Variants in ANKRD11 observed in about 807,000 individuals in gnomAD.
The protein encoded by ANKRD11 is ankyrin repeat domain-containing protein 11.
Under a neutral mutation model 195.7 loss-of-function variants are expected in ANKRD11, and 17 were observed. That is an observed-to-expected ratio of 0.09 (90% confidence interval 0.06 to 0.13). The LOEUF (loss-of-function observed/expected upper bound fraction) is 0.13, where lower values mean the gene tolerates loss of function less well. Among genes scored for constraint, ANKRD11 ranks in the 10% least tolerant of loss-of-function variants. The probability of loss-of-function intolerance (pLI) is 1.00; values close to 1 mark genes in which losing one functional copy is unlikely to be tolerated. For synonymous variants in ANKRD11, 1,953 were observed against 1,528.1 expected, an observed-to-expected ratio of 1.28 and a Z score of -6.49; for missense variants, 3,735 against 3,566.1, an observed-to-expected ratio of 1.05 and a Z score of -1.21.
chr16:89,403,666 G>T (rs1307569403), intron 2 of ANKRD11: 1 of 152,234 alleles, frequency 6.6e-6, no homozygotes. Flanking sequence ...ACGACAGCAC[G>T]TGCCTTTAAT....
chr16:89,273,577 A>G (rs1020413852), intron 11 of ANKRD11, among the ~76,000 whole-genome samples: 2 of 152,028 alleles, frequency 1.3e-5, no homozygotes, highest in Non-Finnish European at 2.9e-5. Flanking sequence ...CATGCCTGTG[A>G]TCCCAGCTAC....
At chr16:89,458,627 T>TA (rs2152328593) in intron 1 of ANKRD11, among the ~76,000 whole-genome samples, 1 of 152,400 alleles carries the variant, frequency 6.6e-6, no homozygotes, top group Admixed American at 6.5e-5. Flanking sequence ...AACATCACTC[T>TA]GGCAAGTTCA....
chr16:89,488,622 G>A (rs1436783225), intron 1 of ANKRD11, among the ~76,000 whole-genome samples: 2 of 152,110 alleles, frequency 1.3e-5, no homozygotes, highest in African/African-American at 2.4e-5. Flanking sequence ...TTATGCCATA[G>A]ACTAGGTCTG....
At chr16:89,385,228 C>A (rs1466533254) in intron 2 of ANKRD11, among the ~76,000 whole-genome samples, 1 of 151,068 alleles carries the variant, frequency 6.6e-6, no homozygotes, top group Non-Finnish European at 1.5e-5. Context: ...CTCCCTCTGT[C>A]ACCCAGGCTG....
chr16:89,458,007 C>T (rs954912563), intron 1 of ANKRD11, among the ~76,000 whole-genome samples: 1 of 152,054 alleles, frequency 6.6e-6, no homozygotes, highest in Non-Finnish European at 1.5e-5. Flanking sequence ...CCTGGAGACC[C>T]CACACCTGGG....
intron 1 of ANKRD11, among the ~76,000 whole-genome samples, chr16:89,464,947 G>A (rs747640663): frequency 7.9e-5 from 12 of 152,214 alleles, no homozygotes; most frequent in Non-Finnish European, 1.0e-4. Context: ...GTCAGGGGCC[G>A]AATCTGGCCC....
chr16:89,463,286 G>T (rs1344049927), intron 1 of ANKRD11, among the ~76,000 whole-genome samples: 1 of 152,246 alleles, frequency 6.6e-6, no homozygotes, highest in Non-Finnish European at 1.5e-5. Context: ...TGTCTGTGTA[G>T]AAAGAAGTAG....
intron 1 of ANKRD11, among the ~76,000 whole-genome samples, chr16:89,473,932 C>G (rs2057171067): frequency 6.6e-6 from 1 of 152,210 alleles, no homozygotes. Context: ...ACTCCCATGA[C>G]TACATTATGT....
chr16:89,319,090 A>C (rs1278051210), intron 2 of ANKRD11, among the ~76,000 whole-genome samples: 3 of 152,224 alleles, frequency 2.0e-5, no homozygotes, highest in Admixed American at 1.3e-4. Context: ...ACATTTTAAA[A>C]AATCCAGACT....
chr16:89,271,915 G>C (rs749781133), intron 11 of ANKRD11: 1 of 152,072 alleles, frequency 6.6e-6, no homozygotes, highest in Non-Finnish European at 1.5e-5. Context: ...AAGTTCAAAA[G>C]CTTCTGTCCA....
chr16:89,488,294 G>C (rs533989702), intron 1 of ANKRD11, among the ~76,000 whole-genome samples: 2 of 152,184 alleles, frequency 1.3e-5, no homozygotes, highest in East Asian at 3.9e-4. Flanking sequence ...GTTCCATTCA[G>C]ATGGCCAGCC....
intron 3 of ANKRD11, among the ~76,000 whole-genome samples, chr16:89,314,448 A>T (rs954622667): frequency 6.6e-6 from 1 of 152,172 alleles, no homozygotes; most frequent in African/African-American, 2.4e-5. Context: ...AACTCAAAGC[A>T]GCTGAGCGCA....
At chr16:89,290,181 G>A (rs896019783) in intron 6 of ANKRD11, among the ~76,000 whole-genome samples, 3 of 152,236 alleles carry the variant, frequency 2.0e-5, no homozygotes, top group South Asian at 2.1e-4. Context: ...CACCCCACGA[G>A]GCCACAGCCC....
intron 2 of ANKRD11, among the ~76,000 whole-genome samples, chr16:89,388,315 T>TTTTTTTTA (rs2041018887): frequency 6.9e-6 from 1 of 145,398 alleles, no homozygotes; most frequent in Admixed American, 6.8e-5. Context: ...TTTTTTTTTT[T>TTTTTTTTA]GAGACGGAGT....
intron 7 of ANKRD11, chr16:89,287,190 C>T: frequency 9.8e-7 from 1 of 1,022,424 alleles, no homozygotes; most frequent in South Asian, 1.4e-5. Flanking sequence ...CACCACACTC[C>T]TCGGCCCTCC....
intron 4 of ANKRD11, among the ~76,000 whole-genome samples, chr16:89,293,033 C>T (rs2151806032): frequency 6.6e-6 from 1 of 152,336 alleles, no homozygotes; most frequent in African/African-American, 2.4e-5. Context: ...GCCCTCAAGT[C>T]CTCCTCTCTC....
chr16:89,271,567 G>C (rs1343616159), intron 11 of ANKRD11: 1 of 159,252 alleles, frequency 6.3e-6, no homozygotes, highest in African/African-American at 2.4e-5. Flanking sequence ...AGAACATGTG[G>C]AGCACCGACA....
Position 89,283,249 on chromosome 16 carries a change from T to A in ANKRD11, c.3293A>T (p.Asp1098Val). ...EKAFPGIISEDFSEKKDDKKG... is the reference protein window; with the variant it reads ...EKAFPGIISEVFSEKKDDKKG... Reference sequence around the variant, plus strand: ...CTTGTCATCTTTTTTTTCAGAGAAGTCTTCTGAGATGATCCCAGGGAAAGC... The same window carrying A: ...CTTGTCATCTTTTTTTTCAGAGAAGACTTCTGAGATGATCCCAGGGAAAGC... Residue 1098 changes from aspartate to valine, a missense_variant, in exon 9 of 13, where the codon GAC becomes GTC. Physicochemically the swap from Asp to Val is radical, Grantham distance 152. Transcript: ENST00000301030. This position sits in a 1 kb window ranked among gnomAD's most constrained non-coding sequence, Gnocchi z 4.3. 1 of 1,614,166 alleles carries A rather than the reference T, an allele frequency of 6.2e-7. No individual in the cohort carries two copies. Among genetic ancestry groups the A allele is most frequent in the Non-Finnish European group, 8.5e-7 (1 of 1,180,044 alleles).
At chr16:89,425,783 G>C (rs2042693134) in intron 1 of ANKRD11, among the ~76,000 whole-genome samples, 1 of 152,106 alleles carries the variant, frequency 6.6e-6, no homozygotes, top group South Asian at 2.1e-4. Context: ...AGGGAATAAA[G>C]GCAACTACGC....
Sources: allele counts gnomAD v4.1 joint callset (sites outside exome capture counted in the v4.1 genomes callset), GRCh38; gene constraint gnomAD v4.1.1; non-coding constraint Gnocchi (gnomAD v3.1); transcripts MANE v1.5; gene names NCBI Gene and HGNC (gene_info 2026-07-23, HGNC 2026-07-21).